CADPS2: variants seen among roughly 807,000 people sequenced by gnomAD.
CADPS2 encodes the protein calcium dependent secretion activator 2.
Under a neutral mutation model 172.5 loss-of-function variants are expected in CADPS2, and 93 were observed. The ratio of observed to expected loss-of-function variants is 0.54; its 90% CI spans 0.46 to 0.64. CADPS2 has a LOEUF of 0.64. CADPS2 is among the 30% of genes least tolerant of loss of function. The probability of loss-of-function intolerance (pLI) is 0.00; values close to 1 mark genes in which losing one functional copy is unlikely to be tolerated. For synonymous variants in CADPS2, 546 were observed against 555.2 expected, an observed-to-expected ratio of 0.98 and a Z score of 0.23; for missense variants, 1,420 against 1,565.9, an observed-to-expected ratio of 0.91 and a Z score of 1.57.
At chr7:122,502,949 G>T (rs960867096) in intron 9 of CADPS2, among the ~76,000 whole-genome samples, 1 of 151,074 alleles carries the variant, frequency 6.6e-6, no homozygotes, top group Non-Finnish European at 1.5e-5. Flanking sequence ...GAGTGACCAA[G>T]ATTTTCAGCC....
intron 28 of CADPS2, among the ~76,000 whole-genome samples, chr7:122,334,565 G>T (rs2035547788): frequency 6.6e-6 from 1 of 152,210 alleles, no homozygotes; most frequent in Admixed American, 6.5e-5. Flanking sequence ...TAAGAACCCA[G>T]GAAGAACAGA....
chr7:122,500,730 A>G (rs930226868), intron 9 of CADPS2, among the ~76,000 whole-genome samples: 4 of 152,180 alleles, frequency 2.6e-5, no homozygotes, highest in African/African-American at 9.7e-5. Flanking sequence ...ATCAAAAACA[A>G]TAACTTAGGA....
At chr7:122,555,959 T>C (rs1423261791) in intron 7 of CADPS2, among the ~76,000 whole-genome samples, 3 of 152,078 alleles carry the variant, frequency 2.0e-5, no homozygotes, top group African/African-American at 7.2e-5. Flanking sequence ...AACACAGTCA[T>C]AAAAGCTTCT....
rs563893580 is a variant in CADPS2 at position 122,538,170 on chromosome 7, G to A, written c.1475+16380C>T. Among the ~76,000 whole-genome samples, 15 of 150,734 alleles carry A rather than the reference G, an allele frequency of 1.0e-4. No individual in the cohort carries two copies. In the South Asian group the frequency reaches 2.9e-3, roughly 29 times the overall value. On this transcript the variant is annotated intron_variant, in intron 8 of 29. Coordinates refer to ENST00000449022, the MANE Select transcript of CADPS2 (RefSeq NM_017954.11). ...GTAAAAAAAAAAAGAGAAACAAAGT[G>A]AAAAAGAGAATGCAAAAAAATTACT...
At chr7:122,533,679 T>C (rs2061977041) in intron 8 of CADPS2, among the ~76,000 whole-genome samples, 1 of 152,270 alleles carries the variant, frequency 6.6e-6, no homozygotes. Flanking sequence ...TAACATGTCA[T>C]GTTAATAAAA....
intron 1 of CADPS2, among the ~76,000 whole-genome samples, chr7:122,857,203 A>G (rs940991524): frequency 7.9e-5 from 12 of 152,192 alleles, no homozygotes; most frequent in Non-Finnish European, 1.5e-4. Context: ...AACGATAATG[A>G]TAAGGATGAA....
intron 1 of CADPS2, among the ~76,000 whole-genome samples, chr7:122,767,310 A>G (rs2093584081): frequency 6.6e-6 from 1 of 152,166 alleles, no homozygotes; most frequent in African/African-American, 2.4e-5. Context: ...TTCCTATATT[A>G]AAGGTGAGAA....
At chr7:122,479,885 G>A (rs957657017) in intron 12 of CADPS2, among the ~76,000 whole-genome samples, 15 of 152,260 alleles carry the variant, frequency 9.9e-5, no homozygotes, top group African/African-American at 3.6e-4. Context: ...AAAATAAACA[G>A]ATGGCAGCTT....
intron 6 of CADPS2, among the ~76,000 whole-genome samples, chr7:122,594,065 T>C (rs1563804738): frequency 6.6e-6 from 1 of 152,084 alleles, no homozygotes; most frequent in Non-Finnish European, 1.5e-5. Flanking sequence ...TCTAGGCTTT[T>C]GGGAGGATCT....
At chr7:122,662,577 T>C (rs2080717649) in intron 3 of CADPS2, among the ~76,000 whole-genome samples, 1 of 152,130 alleles carries the variant, frequency 6.6e-6, no homozygotes, top group African/African-American at 2.4e-5. Context: ...GGTTTCACCA[T>C]GTTGCCCACG....
rs756877132 is a variant in CADPS2, at chr7:122,502,405, T to C, written c.1542+10844A>G. ...TAATATATTTTGTCTTGCTTTTTTT[T>C]CCTCTTTATCTTCTATTATTTGGTA... On this transcript the variant is annotated intron_variant, in intron 9 of 29. Transcript: ENST00000449022. Among the ~76,000 whole-genome samples the C allele has an allele frequency of 1.1e-3, 165 of 152,190 alleles. 1 individual carries two copies. The highest frequency in any genetic ancestry group is 2.7e-3 in the East Asian group (14 of 5,184).
At chr7:122,706,802 A>G (rs904683290) in intron 2 of CADPS2, among the ~76,000 whole-genome samples, 4 of 148,614 alleles carry the variant, frequency 2.7e-5, no homozygotes, top group East Asian at 2.0e-4. Flanking sequence ...ATATATATAC[A>G]CACACACACA....
chr7:122,718,256 T>C (rs1245125924), intron 2 of CADPS2, among the ~76,000 whole-genome samples: 2 of 152,092 alleles, frequency 1.3e-5, no homozygotes, highest in Admixed American at 1.3e-4. Flanking sequence ...CTCAAAGAAC[T>C]GCCTGTCAGC....
chr7:122,758,125 A>G (rs1383724883), intron 1 of CADPS2, among the ~76,000 whole-genome samples: 2 of 152,208 alleles, frequency 1.3e-5, no homozygotes, highest in African/African-American at 2.4e-5. Flanking sequence ...ATTTTTAGAT[A>G]CTATCTTGAT....
Position 122,451,488 on chromosome 7 carries a change from T to C in CADPS2, c.2187-13A>G, listed in dbSNP as rs1327821692. The C allele has an allele frequency of 7.0e-7, 1 of 1,421,248 alleles. No individual in the cohort carries two copies. Among genetic ancestry groups the C allele is most frequent in the Non-Finnish European group, 9.7e-7 (1 of 1,033,184 alleles). 88.0% of individuals were successfully genotyped at this position (1,421,248 alleles called of 1,614,324 possible). ...AATTCCATCAGGCCTGAAAAAAAAA[T>C]CAGAATCAATAATTCATATTGATCG... On this transcript the variant is annotated splice_polypyrimidine_tract_variant and intron_variant, in intron 14 of 29. Coordinates refer to ENST00000449022, the MANE Select transcript of CADPS2 (RefSeq NM_017954.11).
At chr7:122,337,137 C>T (rs1299368919) in intron 28 of CADPS2, among the ~76,000 whole-genome samples, 1 of 152,114 alleles carries the variant, frequency 6.6e-6, no homozygotes, top group African/African-American at 2.4e-5. Context: ...CCCCAAGCTG[C>T]GGTAAGTAGT....
chr7:122,669,447 G>A lies in CADPS2; in HGVS notation c.454-5878C>T, dbSNP rs528963864. ...GATTATACAGGCATCTAGCTCACAG[G>A]TGTCCTATGATGCTGATAACTGTGG... On this transcript the variant is annotated intron_variant, in intron 2 of 29. Coordinates refer to ENST00000449022, the MANE Select transcript of CADPS2 (RefSeq NM_017954.11). Among the ~76,000 whole-genome samples, 98 of 151,562 alleles carry A rather than the reference G, an allele frequency of 6.5e-4. No homozygotes were observed. The Middle Eastern group carries it at 0.024, about 37-fold the overall frequency.
intron 1 of CADPS2, among the ~76,000 whole-genome samples, chr7:122,867,458 G>A (rs987484369): frequency 6.6e-6 from 1 of 152,116 alleles, no homozygotes; most frequent in Non-Finnish European, 1.5e-5. Flanking sequence ...CACCCAAGAA[G>A]GAAATATCAA....
chr7:122,705,400 A>T (rs1421144663), intron 2 of CADPS2, among the ~76,000 whole-genome samples: 1 of 144,226 alleles, frequency 6.9e-6, no homozygotes, highest in East Asian at 2.0e-4. Context: ...GGTTACAGAG[A>T]ATTGAAATAT....
Sources: allele counts gnomAD v4.1 joint callset (sites outside exome capture counted in the v4.1 genomes callset), GRCh38; gene constraint gnomAD v4.1.1; transcripts MANE v1.5; gene names NCBI Gene and HGNC (gene_info 2026-07-23, HGNC 2026-07-21).